Variants in SLC47A2 observed in about 807,000 individuals in gnomAD.
SLC47A2 encodes solute carrier family 47 member 2.
A neutral mutation model predicts 67.7 loss-of-function variants in SLC47A2; 52 were observed. The ratio of observed to expected loss-of-function variants is 0.77; its 90% confidence interval spans 0.61 to 0.97. The LOEUF is 0.97. SLC47A2 is among the 50% of genes least tolerant of loss of function. The pLI is 0.00. For synonymous variants in SLC47A2, 278 were observed against 292.9 expected, an observed-to-expected ratio of 0.95 and a Z score of 0.52; for missense variants, 676 against 712.3, an observed-to-expected ratio of 0.95 and a Z score of 0.58.
At chr17:19,717,693 A>T (rs1274778200), upstream of SLC47A2, 1 of 151,424 alleles carries the variant, frequency 6.6e-6, no homozygotes, top group Non-Finnish European at 1.5e-5. Context: ...ACCCTGAAGG[A>T]GAGGAGGCAG....
chr17:19,679,320 G>A (rs1448112973), intron 16 of SLC47A2, among the ~76,000 whole-genome samples: 1 of 152,212 alleles, frequency 6.6e-6, no homozygotes, highest in Non-Finnish European at 1.5e-5. Flanking sequence ...GGATGGATGA[G>A]GTCATGGAGA....
chr17:19,689,517 C>T (rs999560429), intron 13 of SLC47A2, among the ~76,000 whole-genome samples: 1 of 151,838 alleles, frequency 6.6e-6, no homozygotes, highest in African/African-American at 2.4e-5. Context: ...GGCAACATGG[C>T]GAAACCCTGT....
chr17:19,713,967 C>G lies in SLC47A2; in HGVS notation c.301G>C (p.Gly101Arg), dbSNP rs1360933081. 1.2e-6 allele frequency: 2 copies of G among 1,611,936 alleles called. No individual in the cohort carries two copies. The highest frequency in any genetic ancestry group is 1.7e-6 in the Non-Finnish European group (2 of 1,178,644). The change falls in exon 4 of 17, where the codon GGC becomes CGC. Residue 101 changes from glycine (G) to arginine (R), a missense_variant. Transcript: ENST00000433844. Reference sequence around the variant, plus strand: ...CCCACGTGCTTCTTGTTGGGGCTGCCGAAGCTCTGCAAAACAGCCCGCCCC... The same window carrying G: ...CCCACGTGCTTCTTGTTGGGGCTGCGGAAGCTCTGCAAAACAGCCCGCCCC... ...ACDTLMSQSF[G>R]SPNKKHVGVI...
chr17:19,693,623 T>C (rs2085592301), intron 13 of SLC47A2, among the ~76,000 whole-genome samples: 1 of 149,138 alleles, frequency 6.7e-6, no homozygotes, highest in Non-Finnish European at 1.5e-5. Flanking sequence ...ATAATAATAA[T>C]AATAATAATA....
intron 13 of SLC47A2, chr17:19,692,427 T>C: frequency 2.9e-6 from 1 of 339,062 alleles, no homozygotes; most frequent in Non-Finnish European, 5.6e-6. Context: ...GCAAAGGAAT[T>C]AAACAATTAA....
At chr17:19,705,597 C>CTTT in intron 9 of SLC47A2, 94 bp from the exon 10 acceptor site, 6 of 893,466 alleles carry the variant, frequency 6.7e-6, no homozygotes, top group Admixed American at 3.5e-5. Context: ...GACTCAGGGG[C>CTTT]TTTTTTTTTT....
intron 10 of SLC47A2, chr17:19,704,822 C>CTTTTT (rs6146013): frequency 1.8e-4 from 48 of 274,212 alleles, no homozygotes; most frequent in South Asian, 5.3e-4. Context: ...ATGGAATGTG[C>CTTTTT]TTTTTTTTTT....
chr17:19,678,374 T>A lies in SLC47A2; in HGVS notation c.*312A>T, dbSNP rs113545340. On this transcript the variant is annotated 3_prime_UTR_variant, in exon 17 of 17. Coordinates refer to ENST00000433844, the MANE Select transcript of SLC47A2 (RefSeq NM_001099646.3). ...GGTTTTTGTGATTTTATCTGCAGTG[T>A]CCCATTTGAAGCCATTTACATTATT... 121 of 340,654 alleles carry A rather than the reference T, an allele frequency of 3.6e-4. 1 individual carries two copies. In the East Asian group the frequency reaches 5.8e-3, roughly 16 times the overall value. 21.1% of individuals were successfully genotyped at this position (340,654 alleles called of 1,614,324 possible). A position where few individuals can be genotyped will look rare whatever the true frequency, so the allele number is the denominator to read the frequency against.
At chr17:19,707,721 T>A in intron 8 of SLC47A2, 25 bp downstream of exon 8, 1 of 1,558,546 alleles carries the variant, frequency 6.4e-7, no homozygotes, top group South Asian at 1.2e-5. Context: ...CTGCTCAGCC[T>A]CCCAGAGCAG....
At chr17:19,701,158 ACT>A (rs1402203986) in intron 13 of SLC47A2, among the ~76,000 whole-genome samples, 1 of 140,638 alleles carries the variant, frequency 7.1e-6, no homozygotes, top group Non-Finnish European at 1.5e-5. Flanking sequence ...ACAGAATGAG[ACT>A]CTGTCTCAAA....
At chr17:19,715,247 G>C (rs910901615) in intron 1 of SLC47A2, 30 bp from the exon 2 acceptor site, 6 of 1,589,628 alleles carry the variant, frequency 3.8e-6, no homozygotes, top group Admixed American at 1.7e-5. Flanking sequence ...TCAGACTCGG[G>C]GCCACAGGTG....
At chr17:19,716,949 C>A (rs1289172035), upstream of SLC47A2, 3 of 184,590 alleles carry the variant, frequency 1.6e-5, no homozygotes, top group Non-Finnish European at 2.2e-5. Flanking sequence ...CGTCCTGTAC[C>A]CGGGCGTGAT....
intron 9 of SLC47A2, among the ~76,000 whole-genome samples, chr17:19,705,958 G>C (rs555806596): frequency 6.6e-6 from 1 of 152,254 alleles, no homozygotes; most frequent in South Asian, 2.1e-4. Context: ...CTGGCCTTCA[G>C]CCTGTTAGGA....
At chr17:19,709,564 G>C (rs1221879456) in intron 5 of SLC47A2, among the ~76,000 whole-genome samples, 4 of 152,106 alleles carry the variant, frequency 2.6e-5, no homozygotes, top group African/African-American at 4.8e-5. Flanking sequence ...CTCCTCATCT[G>C]TAATGGGGAT....
At chr17:19,700,497 T>C (rs9906049) in intron 13 of SLC47A2, among the ~76,000 whole-genome samples, 103,935 of 152,150 alleles carry the variant, frequency 0.68, 35,819 homozygotes, top group East Asian at 0.99. Context: ...TGCCATGGCT[T>C]ATGCCTGTAA....
At chr17:19,690,619 A>G (rs958661036) in intron 13 of SLC47A2, among the ~76,000 whole-genome samples, 29 of 152,316 alleles carry the variant, frequency 1.9e-4, no homozygotes, top group African/African-American at 7.0e-4. Flanking sequence ...AATAGAAAAA[A>G]TAATCCTAAA....
chr17:19,698,557 G>T (rs1471781265), intron 13 of SLC47A2, among the ~76,000 whole-genome samples: 1 of 152,052 alleles, frequency 6.6e-6, no homozygotes, highest in Non-Finnish European at 1.5e-5. Flanking sequence ...CGCCATGTTG[G>T]CCAGGCTGGT....
intron 5 of SLC47A2, among the ~76,000 whole-genome samples, chr17:19,710,299 GT>G (rs2086060087): frequency 6.6e-6 from 1 of 152,170 alleles, no homozygotes. Flanking sequence ...TAGATGTACT[GT>G]TGATTAATTA....
Position 19,680,003 on chromosome 17 carries a change from C to G in SLC47A2, c.1429G>C (p.Ala477Pro). Residue 477 changes from alanine (A) to proline (P), a missense_variant, in exon 16 of 17, where the codon GCA becomes CCA. By Grantham distance (27) the Ala-to-Pro change is conservative (BLOSUM62 -1). Transcript: ENST00000433844. ...CCAGGTCTGGTTGCAGTGCTCTCTG[C>G]TCTCTGCTGCTGCTGCCGGCCTGAA... Reference protein sequence around the residue: ...KHSGRQQQQRAESTATRPGPE... With the variant: ...KHSGRQQQQRPESTATRPGPE... The G allele has an allele frequency of 1.2e-6, 2 of 1,614,032 alleles. No homozygotes were observed. The highest frequency in any genetic ancestry group is 1.3e-5 in the African/African-American group (1 of 75,010).
Sources: allele counts gnomAD v4.1 joint callset (sites outside exome capture counted in the v4.1 genomes callset), GRCh38; gene constraint gnomAD v4.1.1; transcripts MANE v1.5; gene names NCBI Gene and HGNC (gene_info 2026-07-23, HGNC 2026-07-21).